The following RNF17 variants were observed in gnomAD, a reference collection of about 807,000 sequenced individuals.
RNF17 encodes the protein spermatogenesis associated 23.
A neutral mutation model predicts 200.5 loss-of-function variants in RNF17; 31 were observed. The observed-to-expected ratio is 0.15, with a 90% CI of 0.12 to 0.21. The LOEUF is 0.21. Among genes scored for constraint, RNF17 ranks in the 10% least tolerant of loss-of-function variants. The probability of loss-of-function intolerance (pLI) is 1.00; values close to 1 mark genes in which losing one functional copy is unlikely to be tolerated. For synonymous variants in RNF17, 606 were observed against 637.8 expected (o/e 0.95, Z 0.75); for missense variants, 1,628 against 1,905.1 (o/e 0.85, Z 2.71).
the RNF17 span, chr13:24,886,306 G>T: frequency 1.9e-5 from 24 of 1,289,026 alleles, no homozygotes; most frequent in Non-Finnish European, 2.4e-5. Flanking sequence ...GGATGTTACG[G>T]GAGAATGGCC....
At chr13:24,841,977 A>AT in intron 18 of RNF17, 64 bp from the exon 19 acceptor site, 1 of 1,461,034 alleles carries the variant, frequency 6.8e-7, no homozygotes, top group Non-Finnish European at 9.3e-7. Context: ...AAAAAAAAAA[A>AT]TTGCCTCATT....
intron 22 of RNF17, among the ~76,000 whole-genome samples, chr13:24,846,491 C>T (rs1016044608): frequency 6.6e-6 from 1 of 152,094 alleles, no homozygotes; most frequent in South Asian, 2.1e-4. Flanking sequence ...TAAAATTGTA[C>T]ATATAGGAAA....
At chr13:24,764,701 G>T (rs889048324) in intron 1 of RNF17, among the ~76,000 whole-genome samples, 6 of 152,198 alleles carry the variant, frequency 3.9e-5, no homozygotes, top group African/African-American at 1.4e-4. Context: ...AACGAAACTT[G>T]ATTTTCTCCT....
intron 2 of RNF17, among the ~76,000 whole-genome samples, chr13:24,770,929 A>G (rs1002318165): frequency 4.5e-4 from 68 of 152,176 alleles, no homozygotes; most frequent in African/African-American, 1.6e-3. Flanking sequence ...AAAGAAATTC[A>G]TATTTTGAGC....
chr13:24,793,366 C>A lies in RNF17; in HGVS notation c.1240+20C>A. 6.4e-7 allele frequency: 1 copy of A among 1,559,690 alleles called. No homozygotes were observed. The highest frequency in any genetic ancestry group is 2.0e-5 in the Admixed American group (1 of 50,910). The stretch of plus-strand genomic sequence containing the variant: ...TGGAAAGTAAGTTAAAATGTAAAAG[C>A]AGAGGGGAAAGATCTTGTATCTGTA... On this transcript the variant is annotated intron_variant, in intron 10 of 35. Transcript: ENST00000255324.
chr13:24,790,995 C>CAAAG (rs1883774083), intron 9 of RNF17, among the ~76,000 whole-genome samples: 1 of 152,144 alleles, frequency 6.6e-6, no homozygotes, highest in African/African-American at 2.4e-5. Flanking sequence ...ACATTTAGAC[C>CAAAG]AAAGCACTGC....
intron 2 of RNF17, among the ~76,000 whole-genome samples, chr13:24,770,861 A>C (rs987334224): frequency 1.3e-5 from 2 of 152,174 alleles, no homozygotes; most frequent in Non-Finnish European, 2.9e-5. Flanking sequence ...TTTCACTATA[A>C]TTGTGTACAA....
At position 24,879,231 on chromosome 13, in the gene RNF17, G is replaced by T. The variant is rs1351993035; in HGVS notation, c.4818G>T (p.Gln1606His). ...TAGTGACATTATATGACGATGAACA[G>T]CATCCAGTTCATATGCCGTTGGTAG... is the stretch of plus-strand genomic sequence containing the variant. ...EQIVTLYDDE[Q>H]HPVHMPLVEM... is the part of the protein sequence containing the mutation. Residue 1606 changes from glutamine to histidine, a missense_variant, in exon 35 of 36, where the codon CAG becomes CAT. Gln to His is a conservative substitution (Grantham distance 24). Transcript: ENST00000255324. 1.2e-6 allele frequency: 2 copies of T among 1,613,714 alleles called. No homozygotes were observed. Among genetic ancestry groups the T allele is most frequent in the African/African-American group, 2.7e-5 (2 of 74,908 alleles).
intron 15 of RNF17, among the ~76,000 whole-genome samples, chr13:24,810,436 C>T (rs1886449843): frequency 8.1e-6 from 1 of 122,836 alleles, no homozygotes; most frequent in Non-Finnish European, 1.7e-5. Flanking sequence ...GGTTTAAAGT[C>T]TGTTTTATCA....
At chr13:24,864,835 G>A (rs973799941) in intron 28 of RNF17, 38 bp from the exon 29 acceptor site, 2 of 1,417,484 alleles carry the variant, frequency 1.4e-6, no homozygotes, top group East Asian at 2.3e-5. Flanking sequence ...ATCAAGTGGA[G>A]TTTATTTTTA....
chr13:24,884,161 C>CTAT (rs1566276108), downstream of RNF17: 7 of 1,613,984 alleles, frequency 4.3e-6, no homozygotes, highest in Non-Finnish European at 5.9e-6. Context: ...AAGTTTGTAC[C>CTAT]TATTTGTCCA....
At chr13:24,853,557 A>G (rs1231555462) in intron 24 of RNF17, among the ~76,000 whole-genome samples, 1 of 152,180 alleles carries the variant, frequency 6.6e-6, no homozygotes, top group African/African-American at 2.4e-5. Context: ...AAGGTGTTGT[A>G]TCTTCTAGTA....
rs1245477860 is a variant in RNF17, at chr13:24,851,549, G to C, written c.3298G>C (p.Gly1100Arg). ...VDVSKYLIKK[G>R]LALRERRINN... ...TGTTTCTAAATATTTGATTAAAAAG[G>C]GTTTGGCTTTGAGAGAAAGGAGGTA... The change falls in exon 24 of 36, where the codon GGT becomes CGT. Residue 1100 changes from glycine (G) to arginine (R), a missense_variant. Physicochemically the swap from Gly to Arg is moderately radical, Grantham distance 125. Around this residue, in one of 5 missense-constraint regions of RNF17, gnomAD observed 609 missense variants for 681.9 expected, o/e 0.89. Transcript: ENST00000255324. 5 of 1,610,828 alleles carry C rather than the reference G, an allele frequency of 3.1e-6. No homozygotes were observed. Among genetic ancestry groups the C allele is most frequent in the African/African-American group, 1.3e-5 (1 of 74,690 alleles).
At chr13:24,772,422 C>T in intron 2 of RNF17, among the ~76,000 whole-genome samples, 1 of 128,810 alleles carries the variant, frequency 7.8e-6, no homozygotes, top group African/African-American at 3.0e-5. Flanking sequence ...TGGTTTGAGT[C>T]TCCATTTTTT....
At chr13:24,837,657 A>G (rs559014836) in intron 18 of RNF17, among the ~76,000 whole-genome samples, 21 of 152,296 alleles carry the variant, frequency 1.4e-4, no homozygotes, top group Non-Finnish European at 2.6e-4. Flanking sequence ...CGACATAATG[A>G]CACAACCTAT....
intron 3 of RNF17, among the ~76,000 whole-genome samples, chr13:24,776,804 A>G (rs1337596124): frequency 6.6e-6 from 1 of 152,186 alleles, no homozygotes; most frequent in Admixed American, 6.5e-5. Flanking sequence ...GTATGTATTA[A>G]GACAAACCCA....
chr13:24,827,794 T>C (rs985730777), intron 16 of RNF17, among the ~76,000 whole-genome samples: 2 of 151,690 alleles, frequency 1.3e-5, no homozygotes, highest in African/African-American at 4.8e-5. Context: ...CACTGTCTTA[T>C]TGAGGGCTTA....
chr13:24,763,369 ATTTTTT>A (rs34750040), upstream of RNF17, among the ~76,000 whole-genome samples: 18 of 114,694 alleles, frequency 1.6e-4, no homozygotes, highest in South Asian at 3.1e-4. Context: ...CGTCCGGCTA[ATTTTTT>A]TTTTTTTTTT....
chr13:24,795,449 G>A (rs1251795850), intron 10 of RNF17, among the ~76,000 whole-genome samples: 59 of 145,166 alleles, frequency 4.1e-4, no homozygotes, highest in Non-Finnish European at 7.2e-4. Context: ...TACACAAAAC[G>A]TAGCATACCA....
Sources: allele counts gnomAD v4.1 joint callset (sites outside exome capture counted in the v4.1 genomes callset), GRCh38; gene constraint gnomAD v4.1.1; regional missense constraint gnomAD v4.1.1; transcripts MANE v1.5; gene names NCBI Gene and HGNC (gene_info 2026-07-23, HGNC 2026-07-21).